TECPR2: variants seen among roughly 807,000 people sequenced by gnomAD.
TECPR2 encodes the protein tectonin beta-propeller repeat containing 2.
Under a neutral mutation model 138.1 loss-of-function variants are expected in TECPR2, and 65 were observed. The observed-to-expected ratio is 0.47, with a 90% CI of 0.39 to 0.58. The LOEUF (loss-of-function observed/expected upper bound fraction) is 0.58, where lower values mean the gene tolerates loss of function less well. TECPR2 is among the 20% of genes least tolerant of loss of function. The pLI is 0.00. For missense variants in TECPR2, 1,553 were observed against 1,824.5 expected (o/e 0.85, Z 2.71); for synonymous variants, 746 against 749.8 (o/e 0.99, Z 0.08).
intron 16 of TECPR2, among the ~76,000 whole-genome samples, chr14:102,462,149 G>T (rs1890426210): frequency 6.6e-6 from 1 of 152,220 alleles, no homozygotes; most frequent in Admixed American, 6.5e-5. Flanking sequence ...TGCTGGCCTG[G>T]TGTGTTTTTG....
In TECPR2 at chr14:102,415,474, A is replaced by G. The variant is rs998229356; in HGVS notation, c.638+681A>G. Among the ~76,000 whole-genome samples the G allele has an allele frequency of 2.0e-5, 3 of 152,170 alleles. No individual in the cohort carries two copies. Reference sequence around the variant, plus strand: ...AGCCATACCAGCCGTGTGGGAAAAGACAACTGGAACACCTGGGGAACCTGT... The same window carrying G: ...AGCCATACCAGCCGTGTGGGAAAAGGCAACTGGAACACCTGGGGAACCTGT... On this transcript the variant is annotated intron_variant, in intron 5 of 19. Coordinates refer to ENST00000359520, the MANE Select transcript of TECPR2 (RefSeq NM_014844.5). This position sits in a 1 kb window ranked among gnomAD's most constrained non-coding sequence, Gnocchi z 4.3.
intron 17 of TECPR2, among the ~76,000 whole-genome samples, chr14:102,466,015 G>A (rs1890544086): frequency 6.6e-6 from 1 of 152,212 alleles, no homozygotes; most frequent in Non-Finnish European, 1.5e-5. Context: ...GTTGCCAATT[G>A]TGGAGGCAGC....
intron 12 of TECPR2, among the ~76,000 whole-genome samples, chr14:102,444,235 C>A (rs907489830): frequency 9.9e-5 from 15 of 151,402 alleles, no homozygotes; most frequent in Non-Finnish European, 8.8e-5. Flanking sequence ...ACTCTGTCAC[C>A]CAGGCTGGGG....
At chr14:102,386,827 A>G (rs1329072377) in intron 2 of TECPR2, among the ~76,000 whole-genome samples, 1 of 149,696 alleles carries the variant, frequency 6.7e-6, no homozygotes, top group Admixed American at 6.7e-5. Context: ...TGTTGTTGTC[A>G]TTTTCATCAT....
At chr14:102,410,470 T>A (rs1480883090) in intron 4 of TECPR2, among the ~76,000 whole-genome samples, 18 of 135,526 alleles carry the variant, frequency 1.3e-4, no homozygotes, top group South Asian at 4.7e-4. Flanking sequence ...AAAAATAAAT[T>A]AAAAAAAAAA....
intron 2 of TECPR2, among the ~76,000 whole-genome samples, chr14:102,384,420 T>C (rs1345253740): frequency 6.6e-6 from 1 of 151,576 alleles, no homozygotes; most frequent in Non-Finnish European, 1.5e-5. Flanking sequence ...GGCTCAGGCC[T>C]GTAATCCCAG....
Position 102,431,778 on chromosome 14 carries a change from C to A in TECPR2, c.1085-18C>A. On this transcript the variant is annotated intron_variant, in intron 7 of 19. Coordinates refer to ENST00000359520, the MANE Select transcript of TECPR2 (RefSeq NM_014844.5). ...TCTCTTGGATCACCAGTGGTAAAAC[C>A]AGACTCTTCTTTCTTAGTGAGAGAT... 1 of 1,529,134 alleles carries A rather than the reference C, an allele frequency of 6.5e-7. No individual in the cohort carries two copies. The highest frequency in any genetic ancestry group is 8.8e-7 in the Non-Finnish European group (1 of 1,134,818). The allele number at this position is 1,529,134 out of a possible 1,614,324, so 94.7% of individuals were successfully genotyped here.
chr14:102,444,123 T>C (rs1373908589), intron 12 of TECPR2, among the ~76,000 whole-genome samples: 1 of 152,106 alleles, frequency 6.6e-6, no homozygotes, highest in Non-Finnish European at 1.5e-5. Flanking sequence ...TCTGGTTTAG[T>C]GTCTGTGACG....
intron 11 of TECPR2, among the ~76,000 whole-genome samples, chr14:102,440,888 G>A (rs975868311): frequency 6.6e-6 from 1 of 152,112 alleles, no homozygotes; most frequent in African/African-American, 2.4e-5. Context: ...GCCAACCACC[G>A]CATATCACGT....
rs139421713 is a variant in TECPR2 at position 102,424,875 on chromosome 14, G to A, written c.639-104G>A. ...GGGTGAAAAATCAATTATTGTCTTA[G>A]CCAAAAAATTCTTGTTGTACTTAAT... On this transcript the variant is annotated intron_variant, in intron 5 of 19. Coordinates refer to ENST00000359520, the MANE Select transcript of TECPR2 (RefSeq NM_014844.5). 7.2e-4 allele frequency: 849 copies of A among 1,182,554 alleles called. 6 individuals carry two copies. In the African/African-American group the frequency reaches 0.011, roughly 16 times the overall value. 73.3% of individuals were successfully genotyped at this position (1,182,554 alleles called of 1,614,324 possible).
chr14:102,442,001 C>T (rs764631865), intron 11 of TECPR2, among the ~76,000 whole-genome samples: 6 of 152,220 alleles, frequency 3.9e-5, no homozygotes, highest in Non-Finnish European at 5.9e-5. Flanking sequence ...TGTTTTGAGA[C>T]GGAATCTCGC....
chr14:102,400,737 C>T (rs182605922), intron 2 of TECPR2, among the ~76,000 whole-genome samples: 1 of 152,116 alleles, frequency 6.6e-6, no homozygotes, highest in African/African-American at 2.4e-5. Context: ...AAGGCATATA[C>T]AAAACAAAAT....
At chr14:102,459,521 T>G (rs1377927128) in intron 16 of TECPR2, among the ~76,000 whole-genome samples, 1 of 152,192 alleles carries the variant, frequency 6.6e-6, no homozygotes, top group African/African-American at 2.4e-5. Context: ...GGCTCACACC[T>G]GTAATCCCAG....
chr14:102,432,644 C>T (rs989970907), intron 8 of TECPR2, among the ~76,000 whole-genome samples: 2 of 152,030 alleles, frequency 1.3e-5, no homozygotes, highest in African/African-American at 2.4e-5. Flanking sequence ...ATCTGCCCGC[C>T]TCGGCCTCCC....
chr14:102,388,138 T>C (rs1888064406), intron 2 of TECPR2, among the ~76,000 whole-genome samples: 1 of 152,208 alleles, frequency 6.6e-6, no homozygotes, highest in Non-Finnish European at 1.5e-5. Context: ...TGTCTTTCCC[T>C]GTGGGAGTAA....
chr14:102,458,490 C>T (rs894751338), intron 16 of TECPR2, among the ~76,000 whole-genome samples: 1 of 152,304 alleles, frequency 6.6e-6, no homozygotes, highest in Non-Finnish European at 1.5e-5. Context: ...CCCAGGGTCT[C>T]GCAGCCAGAC....
intron 4 of TECPR2, among the ~76,000 whole-genome samples, chr14:102,410,912 G>A (rs1007806821): frequency 4.6e-5 from 7 of 152,302 alleles, no homozygotes; most frequent in Non-Finnish European, 4.4e-5. Context: ...TGGCAGGACT[G>A]TGCTGAATCT....
intron 5 of TECPR2, among the ~76,000 whole-genome samples, chr14:102,416,093 C>T (rs1033432028): frequency 2.0e-5 from 3 of 152,130 alleles, no homozygotes; most frequent in Admixed American, 6.5e-5. Flanking sequence ...CTTCTATTTT[C>T]GATGCTGAAC....
intron 5 of TECPR2, among the ~76,000 whole-genome samples, chr14:102,418,695 C>G (rs1889094331): frequency 6.6e-6 from 1 of 152,138 alleles, no homozygotes; most frequent in African/African-American, 2.4e-5. Context: ...CTGGCTGCTG[C>G]TTGGAATATG....
Sources: allele counts gnomAD v4.1 joint callset (sites outside exome capture counted in the v4.1 genomes callset), GRCh38; gene constraint gnomAD v4.1.1; non-coding constraint Gnocchi (gnomAD v3.1); transcripts MANE v1.5; gene names NCBI Gene and HGNC (gene_info 2026-07-23, HGNC 2026-07-21).